The following TDRD12 variants were observed in gnomAD, a reference collection of about 807,000 sequenced individuals.
TDRD12 encodes putative ATP-dependent RNA helicase TDRD12.
A neutral mutation model predicts 133.5 loss-of-function variants in TDRD12; 158 were observed. That is an observed-to-expected ratio of 1.18 (90% CI 1.04 to 1.35). The LOEUF is 1.35. Among genes scored for constraint, TDRD12 ranks in the 40% most tolerant of loss-of-function variants. The pLI is 0.00. For missense variants in TDRD12, 1,443 were observed against 1,321.3 expected, an observed-to-expected ratio of 1.09 and a Z score of -1.43; for synonymous variants, 460 against 477.9, an observed-to-expected ratio of 0.96 and a Z score of 0.49.
intron 13 of TDRD12, among the ~76,000 whole-genome samples, chr19:32,793,762 T>C (rs1310137002): frequency 6.6e-6 from 1 of 151,834 alleles, no homozygotes; most frequent in Non-Finnish European, 1.5e-5. Flanking sequence ...ATCTATTGGA[T>C]CCTTTTAATT....
intron 3 of TDRD12, among the ~76,000 whole-genome samples, chr19:32,742,315 C>T (rs1324854700): frequency 6.6e-6 from 1 of 152,078 alleles, no homozygotes. Context: ...CACCACCACG[C>T]CCACCTAATT....
At position 32,740,428 on chromosome 19, in the gene TDRD12, C is replaced by T. The variant is rs531087785; in HGVS notation, c.320+1436C>T. Among the ~76,000 whole-genome samples, 7 of 148,848 alleles carry T rather than the reference C, an allele frequency of 4.7e-5. No homozygotes were observed. The South Asian group carries it at 1.3e-3, about 27-fold the overall frequency. On this transcript the variant is annotated intron_variant, in intron 3 of 27. Transcript: ENST00000444215. ...CTCTGCATCTCCTGGGTGCTCTCTG[C>T]ATCTCCTGGGTACTCTCTGCATCTC... is the stretch of plus-strand genomic sequence containing the variant.
chr19:32,785,875 CT>C (rs1218750111), intron 11 of TDRD12, among the ~76,000 whole-genome samples: 1 of 152,068 alleles, frequency 6.6e-6, no homozygotes, highest in African/African-American at 2.4e-5. Context: ...GGTCTTGACT[CT>C]TTATCCAATT....
chr19:32,767,127 TA>T (rs76040577), intron 8 of TDRD12, among the ~76,000 whole-genome samples: 1 of 149,678 alleles, frequency 6.7e-6, no homozygotes, highest in Non-Finnish European at 1.5e-5. Flanking sequence ...TTTATTTATT[TA>T]TTTATTTATT....
chr19:32,728,652 T>A (rs1269018959), intron 1 of TDRD12, among the ~76,000 whole-genome samples: 2 of 149,932 alleles, frequency 1.3e-5, no homozygotes, highest in Non-Finnish European at 3.0e-5. Context: ...TTCCTTTTTT[T>A]TTTTTTTTTT....
At chr19:32,766,332 T>C (rs1292815144) in intron 8 of TDRD12, among the ~76,000 whole-genome samples, 1 of 152,156 alleles carries the variant, frequency 6.6e-6, no homozygotes, top group East Asian at 1.9e-4. Context: ...TCATGGAGAA[T>C]GGGATATTCA....
At chr19:32,773,659 C>A in intron 10 of TDRD12, 127 bp downstream of exon 10, 1 of 670,088 alleles carries the variant, frequency 1.5e-6, no homozygotes. Context: ...GATCGTACCA[C>A]TGTACTCCAG....
chr19:32,793,946 C>T (rs1971144639), intron 13 of TDRD12, among the ~76,000 whole-genome samples: 1 of 150,470 alleles, frequency 6.6e-6, no homozygotes, highest in Non-Finnish European at 1.5e-5. Flanking sequence ...AGGTGCCTGA[C>T]ACCACGCCCG....
At chr19:32,748,445 G>T (rs745483044) in intron 4 of TDRD12, 31 bp from the exon 5 acceptor site, 5 of 1,545,760 alleles carry the variant, frequency 3.2e-6, no homozygotes, top group Non-Finnish European at 4.4e-6. Context: ...AGATTTTTAT[G>T]TAATGGAGTT....
chr19:32,770,287 G>A (rs1017601268), intron 8 of TDRD12, among the ~76,000 whole-genome samples: 2 of 152,090 alleles, frequency 1.3e-5, no homozygotes, highest in African/African-American at 2.4e-5. Flanking sequence ...GATTACAGGC[G>A]TGAACCACCA....
chr19:32,827,869 C>CGCCACT (rs1967644078), exon 10 of TDRD12: 1 of 152,186 alleles, frequency 6.6e-6, no homozygotes, highest in Admixed American at 6.5e-5. Context: ...TGGCGCCTCT[C>CGCCACT]GCCACTCACC....
At chr19:32,752,950 G>T (rs796562798) in intron 6 of TDRD12, among the ~76,000 whole-genome samples, 1 of 151,650 alleles carries the variant, frequency 6.6e-6, no homozygotes, top group Non-Finnish European at 1.5e-5. Context: ...CCGCCACCAC[G>T]CCTGGCTAAT....
At chr19:32,793,648 A>T (rs1167069878) in intron 13 of TDRD12, among the ~76,000 whole-genome samples, 1 of 152,220 alleles carries the variant, frequency 6.6e-6, no homozygotes, top group Non-Finnish European at 1.5e-5. Flanking sequence ...CTATCTTTTA[A>T]AAAGCTTTAC....
chr19:32,811,342 C>G, exon 24 of TDRD12: 1 of 1,536,148 alleles, frequency 6.5e-7, no homozygotes, highest in Non-Finnish European at 8.7e-7. Context: ...AACATTTCCA[C>G]ACACTTCCCC....
rs1256160801 is a variant in TDRD12, at chr19:32,798,040, G to C, written c.1630+149G>C. The C allele has an allele frequency of 6.8e-6, 4 of 590,994 alleles. No homozygotes were observed. In the East Asian group the frequency reaches 1.1e-4, roughly 16 times the overall value. 36.6% of individuals were successfully genotyped at this position (590,994 alleles called of 1,614,324 possible). On this transcript the variant is annotated intron_variant, in intron 15 of 27. Coordinates refer to ENST00000444215, the Ensembl canonical transcript of TDRD12. ...CACAGTCACTAGTCCAGACCTACTT[G>C]TCAGCTCCCGACGGTTTTGATTACG... is the stretch of plus-strand genomic sequence containing the variant.
At chr19:32,802,963 C>T (rs1195357786) in exon 21 of TDRD12, 7 of 1,536,054 alleles carry the variant, frequency 4.6e-6, no homozygotes, top group Non-Finnish European at 6.1e-6. Flanking sequence ...CCAAATCTGT[C>T]TTGCTGCTGA....
chr19:32,748,588 A>T, intron 5 of TDRD12, 57 bp downstream of exon 5: 2 of 1,495,128 alleles, frequency 1.3e-6, no homozygotes, highest in South Asian at 2.5e-5. Flanking sequence ...CAGAGGCCTC[A>T]GCTTCTGCTG....
chr19:32,827,577 A>G (rs925776621), exon 10 of TDRD12: 46 of 157,938 alleles, frequency 2.9e-4, no homozygotes, highest in Non-Finnish European at 5.5e-5. Context: ...ACAGGGTTTC[A>G]CCATGTTGGA....
intron 14 of TDRD12, 148 bp from the exon 15 acceptor site, chr19:32,797,587 T>C (rs146287908): frequency 3.2e-4 from 162 of 502,468 alleles, no homozygotes; most frequent in African/African-American, 3.0e-3. Context: ...TTAATGAAAT[T>C]ATATCGTCAC....
Sources: gnomAD v4.1 joint callset for allele counts (sites outside exome capture counted in the v4.1 genomes callset) on GRCh38, gnomAD v4.1.1 for gene constraint, MANE v1.5 for transcripts, NCBI Gene and HGNC (gene_info 2026-07-23, HGNC 2026-07-21) for gene names.